GNAQ: variants seen among roughly 807,000 people sequenced by gnomAD.
The protein encoded by GNAQ is G protein subunit alpha q.
In GNAQ, 8 loss-of-function variants were observed where a neutral mutation model predicts 43.9. The ratio of observed to expected loss-of-function variants is 0.18; its 90% confidence interval spans 0.11 to 0.33. The LOEUF is 0.33. Ranked by LOEUF, GNAQ falls within the 10% of genes least tolerant of loss-of-function variation. The pLI, the probability that GNAQ is intolerant of heterozygous loss-of-function variation, is 1.00. For missense variants in GNAQ, 158 were observed against 450.8 expected, an observed-to-expected ratio of 0.35 and a Z score of 5.88; for synonymous variants, 155 against 170.7, an observed-to-expected ratio of 0.91 and a Z score of 0.71.
intron 5 of GNAQ, among the ~76,000 whole-genome samples, chr9:77,759,761 G>A (rs1171468106): frequency 6.6e-6 from 1 of 152,172 alleles, no homozygotes; most frequent in African/African-American, 2.4e-5. Context: ...AGCCAGTGAT[G>A]TGATTTTGGG....
chr9:77,955,725 G>C (rs1472886764), intron 1 of GNAQ, among the ~76,000 whole-genome samples: 1 of 152,098 alleles, frequency 6.6e-6, no homozygotes, highest in East Asian at 1.9e-4. Context: ...AAACTCTTTT[G>C]ATAGCTATTA....
At chr9:77,964,416 G>A (rs1222386678) in intron 1 of GNAQ, among the ~76,000 whole-genome samples, 1 of 152,114 alleles carries the variant, frequency 6.6e-6, no homozygotes. Context: ...AAAGATAATA[G>A]AGGACTTTAA....
intron 5 of GNAQ, among the ~76,000 whole-genome samples, chr9:77,731,494 C>T (rs912228651): frequency 6.6e-6 from 1 of 152,176 alleles, no homozygotes; most frequent in Non-Finnish European, 1.5e-5. Flanking sequence ...TGGACTGAAG[C>T]CTGCGCTTCT....
chr9:77,815,884 T>C, intron 2 of GNAQ, 114 bp from the exon 3 acceptor site: 1 of 630,234 alleles, frequency 1.6e-6, no homozygotes, highest in Non-Finnish European at 2.7e-6. Flanking sequence ...TACTGGTCTT[T>C]ACACTGGTTT....
chr9:77,796,682 T>C (rs911481264), intron 4 of GNAQ, among the ~76,000 whole-genome samples: 8 of 152,306 alleles, frequency 5.3e-5, no homozygotes, highest in Admixed American at 2.0e-4. Flanking sequence ...TTCAAAATCA[T>C]GTATTTCAAA....
chr9:77,973,325 AG>A (rs1221224419), intron 1 of GNAQ, among the ~76,000 whole-genome samples: 1 of 152,210 alleles, frequency 6.6e-6, no homozygotes, highest in African/African-American at 2.4e-5. Flanking sequence ...CATGTGCAGC[AG>A]TAAGGGCAGG....
At chr9:77,945,966 G>GC (rs1822887685) in intron 1 of GNAQ, among the ~76,000 whole-genome samples, 1 of 152,174 alleles carries the variant, frequency 6.6e-6, no homozygotes, top group Non-Finnish European at 1.5e-5. Flanking sequence ...TGAATTGCAG[G>GC]CATTTCTTCA....
At chr9:77,911,731 T>G (rs142504303) in intron 2 of GNAQ, among the ~76,000 whole-genome samples, 303 of 152,254 alleles carry the variant, frequency 2.0e-3, no homozygotes, top group African/African-American at 7.0e-3. Context: ...AAGCGATTTG[T>G]GGAAGGGGAA....
chr9:77,993,280 A>T, intron 1 of GNAQ, among the ~76,000 whole-genome samples: 1 of 151,898 alleles, frequency 6.6e-6, no homozygotes, highest in African/African-American at 2.4e-5. Flanking sequence ...GTTGATATAT[A>T]ATATATATAG....
At chr9:77,731,137 A>G (rs749340218) in intron 5 of GNAQ, among the ~76,000 whole-genome samples, 3 of 152,150 alleles carry the variant, frequency 2.0e-5, no homozygotes, top group Non-Finnish European at 4.4e-5. Flanking sequence ...AAGGGGTCCT[A>G]GTAGAGCCTT....
Position 77,794,452 on chromosome 9 carries a change from A to G in GNAQ, c.735+11T>C. 1 of 1,574,314 alleles carries G rather than the reference A, an allele frequency of 6.4e-7. No homozygotes were observed. Among genetic ancestry groups the G allele is most frequent in the Non-Finnish European group, 8.7e-7 (1 of 1,153,376 alleles). On this transcript the variant is annotated intron_variant, in intron 5 of 6. Coordinates refer to ENST00000286548, the MANE Select transcript of GNAQ (RefSeq NM_002072.5). ...AAATGATAATCCATTGCCTGTCTAAAGAACACTTACCTCATTGTCTGACTC... is the reference window on the plus strand; with the variant it reads ...AAATGATAATCCATTGCCTGTCTAAGGAACACTTACCTCATTGTCTGACTC...
At chr9:77,874,901 G>A (rs1177429260) in intron 2 of GNAQ, among the ~76,000 whole-genome samples, 3 of 151,932 alleles carry the variant, frequency 2.0e-5, no homozygotes, top group African/African-American at 7.3e-5. Flanking sequence ...GATTACACAT[G>A]TGAGCCACCT....
At chr9:78,029,065 A>T (rs930898682) in intron 1 of GNAQ, among the ~76,000 whole-genome samples, 1 of 152,218 alleles carries the variant, frequency 6.6e-6, no homozygotes, top group Non-Finnish European at 1.5e-5. Context: ...GTTCATTTTT[A>T]AAAGCACAGT....
chr9:77,870,323 AGTTTT>A (rs1828016020), intron 2 of GNAQ, among the ~76,000 whole-genome samples: 1 of 124,454 alleles, frequency 8.0e-6, no homozygotes, highest in South Asian at 2.6e-4. Flanking sequence ...TTTTGGTGCT[AGTTTT>A]TTTTTTTTTT....
intron 1 of GNAQ, among the ~76,000 whole-genome samples, chr9:78,000,279 T>C (rs1382036097): frequency 6.6e-6 from 1 of 152,184 alleles, no homozygotes; most frequent in Non-Finnish European, 1.5e-5. Context: ...CAGCAGAACC[T>C]GAAGAAACAC....
chr9:77,918,974 T>C (rs919155670), intron 2 of GNAQ, among the ~76,000 whole-genome samples: 3 of 152,158 alleles, frequency 2.0e-5, no homozygotes, highest in African/African-American at 4.8e-5. Flanking sequence ...GGCTGCAGCG[T>C]AGCGGCATGA....
intron 3 of GNAQ, among the ~76,000 whole-genome samples, chr9:77,808,181 T>C (rs1434975559): frequency 6.6e-6 from 1 of 151,778 alleles, no homozygotes; most frequent in African/African-American, 2.4e-5. Context: ...AGTGAAAAAA[T>C]GATAAACTGG....
At chr9:77,905,349 C>T (rs1828688193) in intron 2 of GNAQ, among the ~76,000 whole-genome samples, 1 of 152,078 alleles carries the variant, frequency 6.6e-6, no homozygotes, top group South Asian at 2.1e-4. Flanking sequence ...GCTGGGCTAC[C>T]TTTCTCAAAA....
intron 2 of GNAQ, among the ~76,000 whole-genome samples, chr9:77,875,120 G>A (rs1364520604): frequency 1.3e-5 from 2 of 152,126 alleles, no homozygotes; most frequent in African/African-American, 4.8e-5. Context: ...AAAGGAGAAT[G>A]TAAGAGATGA....
Sources: gnomAD v4.1 joint callset for allele counts (sites outside exome capture counted in the v4.1 genomes callset) on GRCh38, gnomAD v4.1.1 for gene constraint, MANE v1.5 for transcripts, NCBI Gene and HGNC (gene_info 2026-07-23, HGNC 2026-07-21) for gene names.